The following ST6GALNAC5 variants were observed in gnomAD, a reference collection of about 807,000 sequenced individuals.
ST6GALNAC5 encodes the protein ST6 N-acetylgalactosaminide alpha-2,6-sialyltransferase 5.
A neutral mutation model predicts 33.6 loss-of-function variants in ST6GALNAC5; 27 were observed. That is an observed-to-expected ratio of 0.80 (90% CI 0.59 to 1.11). The LOEUF is 1.11. Among genes scored for constraint, ST6GALNAC5 ranks in the 50% least tolerant of loss-of-function variants. ST6GALNAC5 has a pLI of 0.00. For missense variants in ST6GALNAC5, 428 were observed against 454.0 expected (o/e 0.94, Z 0.52); for synonymous variants, 194 against 171.2 (o/e 1.13, Z -1.04).
intron 2 of ST6GALNAC5, among the ~76,000 whole-genome samples, chr1:76,886,979 C>G (rs1168606590): frequency 1.3e-5 from 2 of 151,990 alleles, no homozygotes; most frequent in African/African-American, 4.8e-5. Flanking sequence ...TTATTTTCAC[C>G]TTTTGCCTAT....
chr1:76,988,989 T>A (rs1004141283), intron 2 of ST6GALNAC5, among the ~76,000 whole-genome samples: 2 of 152,148 alleles, frequency 1.3e-5, no homozygotes, highest in African/African-American at 4.8e-5. Context: ...TGCTTGAGAA[T>A]CTCATGGGAT....
At chr1:76,994,307 A>C (rs1184246691) in intron 2 of ST6GALNAC5, among the ~76,000 whole-genome samples, 3 of 152,204 alleles carry the variant, frequency 2.0e-5, no homozygotes, top group Non-Finnish European at 4.4e-5. Flanking sequence ...CAACTTAATC[A>C]AATCAGACAG....
At chr1:77,037,370 A>T (rs1157614971) in intron 2 of ST6GALNAC5, among the ~76,000 whole-genome samples, 4 of 152,166 alleles carry the variant, frequency 2.6e-5, no homozygotes, top group Non-Finnish European at 1.5e-5. Context: ...GGACATACAG[A>T]TGGCAAAATA....
chr1:76,891,988 C>T (rs1654023311), intron 2 of ST6GALNAC5, among the ~76,000 whole-genome samples: 1 of 152,124 alleles, frequency 6.6e-6, no homozygotes. Context: ...TTATCACGGG[C>T]CATGGCAAAG....
intron 2 of ST6GALNAC5, among the ~76,000 whole-genome samples, chr1:76,946,378 G>A (rs1309659865): frequency 6.6e-6 from 1 of 152,108 alleles, no homozygotes; most frequent in East Asian, 1.9e-4. Context: ...ATTTGACAAA[G>A]TAGAAAATAG....
chr1:76,867,664 G>A lies in ST6GALNAC5; in HGVS notation c.-12G>A. 1 of 1,614,144 alleles carries A rather than the reference G, an allele frequency of 6.2e-7. No homozygotes were observed. The highest frequency in any genetic ancestry group is 2.2e-5 in the East Asian group (1 of 44,850). On this transcript the variant is annotated 5_prime_UTR_variant, in exon 1 of 5. Transcript: ENST00000477717. ...GCGAGCCTGAGGATTCTGCACAAAA[G>A]AGGTGCCCAAAATGAAGACCCTGAT...
At chr1:76,900,245 T>C (rs1646804092) in intron 2 of ST6GALNAC5, among the ~76,000 whole-genome samples, 1 of 151,970 alleles carries the variant, frequency 6.6e-6, no homozygotes, top group African/African-American at 2.4e-5. Flanking sequence ...CACAAGACAA[T>C]GTCATCAGTT....
intron 2 of ST6GALNAC5, among the ~76,000 whole-genome samples, chr1:76,902,132 A>C (rs1646823767): frequency 6.6e-6 from 1 of 152,160 alleles, no homozygotes; most frequent in Non-Finnish European, 1.5e-5. Context: ...AGTTTTAAAG[A>C]ATACACCAAA....
intron 2 of ST6GALNAC5, among the ~76,000 whole-genome samples, chr1:76,928,666 G>A (rs746395311): frequency 3.9e-5 from 6 of 152,028 alleles, no homozygotes; most frequent in Non-Finnish European, 8.8e-5. Flanking sequence ...TTTGCAAATG[G>A]GCATGTCTAC....
In ST6GALNAC5 at chr1:76,880,578, G is replaced by C. The variant is rs935356329; in HGVS notation, c.261+11836G>C. On this transcript the variant is annotated intron_variant, in intron 2 of 4. Coordinates refer to ENST00000477717, the MANE Select transcript of ST6GALNAC5 (RefSeq NM_030965.3). The stretch of plus-strand genomic sequence containing the variant: ...CCGAGTCTCAAAATTGAAGAACTTG[G>C]AGTCCAGTGTTCGAGGGCAGGAAGC... Among the ~76,000 whole-genome samples the C allele has an allele frequency of 7.9e-5, 12 of 152,162 alleles. No individual in the cohort carries two copies. In the South Asian group the frequency reaches 1.2e-3, roughly 16 times the overall value.
In ST6GALNAC5 at chr1:76,868,649, G is replaced by A. The variant is rs777150863; in HGVS notation, c.168G>A (p.Ser56=). The A allele has an allele frequency of 1.9e-6, 3 of 1,599,576 alleles. No homozygotes were observed. The highest frequency in any genetic ancestry group is 2.6e-6 in the Non-Finnish European group (3 of 1,172,588). The change falls in exon 2 of 5, where the codon TCG becomes TCA. Residue 56 remains serine (S), a synonymous_variant. Coordinates refer to ENST00000477717, the MANE Select transcript of ST6GALNAC5 (RefSeq NM_030965.3). This position sits in a 1 kb window ranked among gnomAD's most constrained non-coding sequence, Gnocchi z 4.3. ...AGCAGGCGTCGGCCACCGGCAGCTC[G>A]CAGCCGGCGGCGGAGAGCAGCACCC... ...QQQQASATGS[S]QPAAESSTQQ... is the part of the protein sequence containing the mutation.
intron 2 of ST6GALNAC5, among the ~76,000 whole-genome samples, chr1:76,941,478 C>T (rs1647334230): frequency 1.3e-5 from 2 of 152,052 alleles, no homozygotes; most frequent in African/African-American, 4.8e-5. Context: ...CCAAAAATAT[C>T]CCACCTCCTA....
intron 2 of ST6GALNAC5, among the ~76,000 whole-genome samples, chr1:76,928,839 C>T (rs192413070): frequency 1.3e-5 from 2 of 152,030 alleles, no homozygotes; most frequent in East Asian, 3.9e-4. Flanking sequence ...TGTCTGTCTC[C>T]CTTATGTGCA....
At chr1:76,990,324 C>G (rs1399511160) in intron 2 of ST6GALNAC5, among the ~76,000 whole-genome samples, 1 of 152,146 alleles carries the variant, frequency 6.6e-6, no homozygotes, top group Non-Finnish European at 1.5e-5. Flanking sequence ...AGGCATTGCT[C>G]ATTGTATGGC....
intron 2 of ST6GALNAC5, among the ~76,000 whole-genome samples, chr1:76,948,597 G>C (rs1570699112): frequency 8.9e-6 from 1 of 112,614 alleles, no homozygotes; most frequent in South Asian, 3.9e-4. Context: ...CAGAGAGAGA[G>C]AGAGAGAGAG....
Position 77,005,352 on chromosome 1 carries a change from G to A in ST6GALNAC5, c.262-38852G>A, listed in dbSNP as rs572492930. On this transcript the variant is annotated intron_variant, in intron 2 of 4. Transcript: ENST00000477717. ...AATGCCTCGCCCTGCTTCGGCTCGC[G>A]CACGGTGCGCACACCCACTGACCTG... Among the ~76,000 whole-genome samples, 142 of 152,100 alleles carry A rather than the reference G, an allele frequency of 9.3e-4. 1 individual carries two copies. Among genetic ancestry groups the A allele is most frequent in the African/African-American group, 3.3e-3 (135 of 41,534 alleles).
At chr1:77,027,307 G>A (rs1181714335) in intron 2 of ST6GALNAC5, among the ~76,000 whole-genome samples, 4 of 152,202 alleles carry the variant, frequency 2.6e-5, no homozygotes, top group African/African-American at 9.6e-5. Context: ...ACCTACATTA[G>A]GGGGCAGGGG....
chr1:76,999,555 A>G (rs1200609138), intron 2 of ST6GALNAC5, among the ~76,000 whole-genome samples: 1 of 150,778 alleles, frequency 6.6e-6, no homozygotes, highest in East Asian at 2.0e-4. Context: ...TTAGTTACAT[A>G]TGTATACATG....
chr1:77,038,203 C>A (rs910683144), intron 2 of ST6GALNAC5, among the ~76,000 whole-genome samples: 3 of 152,162 alleles, frequency 2.0e-5, no homozygotes, highest in African/African-American at 7.2e-5. Flanking sequence ...TGGGTGGAGA[C>A]AGAAAGACTT....
Sources: gnomAD v4.1 joint callset for allele counts (sites outside exome capture counted in the v4.1 genomes callset) on GRCh38, gnomAD v4.1.1 for gene constraint, Gnocchi (gnomAD v3.1) non-coding constraint, MANE v1.5 for transcripts, NCBI Gene and HGNC (gene_info 2026-07-23, HGNC 2026-07-21) for gene names.